The following FBXL17 variants were observed in gnomAD, a reference collection of about 807,000 sequenced individuals.
The protein encoded by FBXL17 is F-box and leucine rich repeat protein 17, also known as F-box/LRR-repeat protein 17.
In FBXL17, 22 loss-of-function variants were observed where a neutral mutation model predicts 66.2. The observed-to-expected ratio is 0.33, with a 90% confidence interval of 0.24 to 0.47. The LOEUF is 0.47. FBXL17 is among the 20% of genes least tolerant of loss of function. FBXL17 has a pLI of 1.00. For missense variants in FBXL17, 878 were observed against 948.2 expected (o/e 0.93, Z 0.97); for synonymous variants, 474 against 400.5 (o/e 1.18, Z -2.19).
chr5:108,154,373 C>G (rs1367618811), intron 6 of FBXL17, among the ~76,000 whole-genome samples: 1 of 149,850 alleles, frequency 6.7e-6, no homozygotes, highest in Non-Finnish European at 1.5e-5. Flanking sequence ...GCAGGCGGAT[C>G]ACCTGAGGTC....
intron 7 of FBXL17, among the ~76,000 whole-genome samples, chr5:107,914,035 G>A (rs1750044607): frequency 6.6e-6 from 1 of 151,818 alleles, no homozygotes; most frequent in Non-Finnish European, 1.5e-5. Flanking sequence ...GCAACCATGA[G>A]TTTATGGTAT....
chr5:108,108,434 C>T (rs1046573342), intron 6 of FBXL17, among the ~76,000 whole-genome samples: 1 of 152,088 alleles, frequency 6.6e-6, no homozygotes, highest in African/African-American at 2.4e-5. Context: ...GTATCATGAG[C>T]TCTTTAGATA....
intron 4 of FBXL17, among the ~76,000 whole-genome samples, chr5:108,324,016 C>A (rs779797136): frequency 5.3e-5 from 8 of 151,894 alleles, no homozygotes; most frequent in Non-Finnish European, 7.4e-5. Context: ...AGCTTTACAA[C>A]GTTGAATTTG....
intron 4 of FBXL17, among the ~76,000 whole-genome samples, chr5:108,332,524 C>T (rs1760170330): frequency 6.6e-6 from 1 of 152,168 alleles, no homozygotes; most frequent in African/African-American, 2.4e-5. Flanking sequence ...AATCATTCTT[C>T]TCCCTAAATC....
intron 6 of FBXL17, among the ~76,000 whole-genome samples, chr5:108,159,142 T>C (rs1465629715): frequency 6.6e-6 from 1 of 152,174 alleles, no homozygotes; most frequent in Non-Finnish European, 1.5e-5. Flanking sequence ...TACAGACAGT[T>C]ACTCTAAACA....
chr5:108,059,104 T>C (rs894453784), intron 6 of FBXL17, among the ~76,000 whole-genome samples: 3 of 152,190 alleles, frequency 2.0e-5, no homozygotes, highest in African/African-American at 7.2e-5. Flanking sequence ...GTTTCCCAAG[T>C]ATAAGACCTA....
At chr5:108,212,100 T>G (rs1249955687) in intron 5 of FBXL17, among the ~76,000 whole-genome samples, 1 of 152,222 alleles carries the variant, frequency 6.6e-6, no homozygotes, top group Admixed American at 6.5e-5. Flanking sequence ...ATATCCTTTC[T>G]TCCACTTGAT....
chr5:108,341,716 C>G (rs1477826839), intron 4 of FBXL17, among the ~76,000 whole-genome samples: 2 of 152,052 alleles, frequency 1.3e-5, no homozygotes, highest in Non-Finnish European at 2.9e-5. Context: ...CTTTTCCAGA[C>G]CAAATATGAA....
intron 6 of FBXL17, among the ~76,000 whole-genome samples, chr5:108,032,647 C>T (rs915462296): frequency 1.3e-5 from 2 of 152,148 alleles, no homozygotes; most frequent in African/African-American, 2.4e-5. Flanking sequence ...CTATCAGAAG[C>T]TGGAAAGACA....
chr5:107,877,651 A>C (rs1278778837), intron 8 of FBXL17, among the ~76,000 whole-genome samples: 1 of 152,056 alleles, frequency 6.6e-6, no homozygotes, highest in Non-Finnish European at 1.5e-5. Flanking sequence ...CACAAACCAC[A>C]TCTCTCTCTA....
intron 3 of FBXL17, among the ~76,000 whole-genome samples, chr5:108,363,097 T>C (rs971704470): frequency 2.0e-5 from 3 of 152,026 alleles, no homozygotes; most frequent in Non-Finnish European, 4.4e-5. Context: ...ACTAAAACCA[T>C]AATATAAATC....
At chr5:107,905,057 C>T (rs1446973746) in intron 7 of FBXL17, among the ~76,000 whole-genome samples, 4 of 145,954 alleles carry the variant, frequency 2.7e-5, no homozygotes, top group Non-Finnish European at 6.1e-5. Context: ...AACTTTTTTG[C>T]TATATATATA....
At chr5:108,076,550 T>C (rs1748554276) in intron 6 of FBXL17, among the ~76,000 whole-genome samples, 1 of 58,528 alleles carries the variant, frequency 1.7e-5, no homozygotes, top group Non-Finnish European at 4.1e-5. Context: ...TAAAATGTGA[T>C]TTTTTTAAAG....
intron 6 of FBXL17, among the ~76,000 whole-genome samples, chr5:108,068,972 A>G (rs1748225885): frequency 6.6e-6 from 1 of 152,236 alleles, no homozygotes; most frequent in Non-Finnish European, 1.5e-5. Flanking sequence ...TTGATGTAAG[A>G]AAACATTTAG....
At chr5:108,267,278 G>T (rs1757081843) in intron 4 of FBXL17, among the ~76,000 whole-genome samples, 1 of 151,908 alleles carries the variant, frequency 6.6e-6, no homozygotes, top group Non-Finnish European at 1.5e-5. Flanking sequence ...ATTTGAAATT[G>T]TTATATAATC....
chr5:108,120,868 A>G (rs961603871), intron 6 of FBXL17, among the ~76,000 whole-genome samples: 3 of 152,196 alleles, frequency 2.0e-5, no homozygotes, highest in African/African-American at 7.2e-5. Flanking sequence ...GGAAGCACTC[A>G]AATACTGATT....
intron 6 of FBXL17, among the ~76,000 whole-genome samples, chr5:108,148,512 T>C (rs1454037392): frequency 6.6e-6 from 1 of 152,186 alleles, no homozygotes; most frequent in African/African-American, 2.4e-5. Context: ...AAATAAACCC[T>C]CTAAGTTTTT....
rs1754994104 is a variant in FBXL17, at chr5:108,224,204, A to G, written c.1531T>C (p.Phe511Leu). 6.2e-7 allele frequency: 1 copy of G among 1,607,052 alleles called. No individual in the cohort carries two copies. The highest frequency in any genetic ancestry group is 8.5e-7 in the Non-Finnish European group (1 of 1,175,022). Residue 511 changes from phenylalanine (F) to leucine (L), a missense_variant, in exon 5 of 9, where the codon TTT becomes CTT. Physicochemically the swap from Phe to Leu is conservative, Grantham distance 22 (BLOSUM62 0). Around this residue, in one of 4 missense-constraint regions of FBXL17, gnomAD observed 236 missense variants for 389.1 expected, o/e 0.61. Transcript: ENST00000542267. The part of the protein sequence containing the change: ...KLVTDQSVKA[F>L]AEHCPELQYV... The stretch of plus-strand genomic sequence containing the variant: ...TGAAGCTCAGGACAGTGTTCAGCAA[A>G]TGCTTTCACTGACTGATCTGTCACC...
At chr5:108,230,817 T>A (rs1755304499) in intron 4 of FBXL17, among the ~76,000 whole-genome samples, 1 of 151,452 alleles carries the variant, frequency 6.6e-6, no homozygotes, top group African/African-American at 2.4e-5. Context: ...GCGCGAGGGA[T>A]AAAAGACTAC....
Sources: allele counts gnomAD v4.1 joint callset (sites outside exome capture counted in the v4.1 genomes callset), GRCh38; gene constraint gnomAD v4.1.1; regional missense constraint gnomAD v4.1.1; transcripts MANE v1.5; gene names NCBI Gene and HGNC (gene_info 2026-07-23, HGNC 2026-07-21).